The following PPARGC1A variants were observed in gnomAD, a reference collection of about 807,000 sequenced individuals.
PPARGC1A encodes the protein peroxisome proliferator-activated receptor gamma coactivator 1-alpha.
A neutral mutation model predicts 88.7 loss-of-function variants in PPARGC1A; 25 were observed. The ratio of observed to expected loss-of-function variants is 0.28; its 90% CI spans 0.21 to 0.39. PPARGC1A has a LOEUF of 0.39. Among genes scored for constraint, PPARGC1A ranks in the 10% least tolerant of loss-of-function variants. PPARGC1A has a pLI of 1.00. For missense variants in PPARGC1A, 880 were observed against 968.7 expected, an observed-to-expected ratio of 0.91 and a Z score of 1.22; for synonymous variants, 363 against 355.6, an observed-to-expected ratio of 1.02 and a Z score of -0.24.
At chr4:24,005,346 C>T in the PPARGC1A span, among the ~76,000 whole-genome samples, 1 of 152,034 alleles carries the variant, frequency 6.6e-6, no homozygotes, top group African/African-American at 2.4e-5. Flanking sequence ...ATCTATTGTC[C>T]CGGGCATGGT....
the PPARGC1A span, among the ~76,000 whole-genome samples, chr4:24,387,818 A>AAGAAAGAAAGAAAGAAAGAGAAAGAG: frequency 3.6e-4 from 29 of 81,080 alleles, no homozygotes; most frequent in African/African-American, 1.2e-3. Flanking sequence ...GAAAGAAAGA[A>AAGAAAGAAAGAAAGAAAGAGAAAGAG]AGAAAGAGAG....
chr4:23,831,832 T>A, intron 2 of PPARGC1A, 81 bp from the exon 3 acceptor site: 1 of 1,112,740 alleles, frequency 9.0e-7, no homozygotes, highest in Non-Finnish European at 1.3e-6. Context: ...TTTGACCAAA[T>A]GAGTGAACCA....
intron 1 of PPARGC1A, among the ~76,000 whole-genome samples, chr4:23,887,475 T>G (rs188244757): frequency 1.3e-4 from 20 of 152,332 alleles, no homozygotes; most frequent in Admixed American, 9.2e-4. Context: ...GTGTGCTTTA[T>G]TGCAATTACA....
the PPARGC1A span, among the ~76,000 whole-genome samples, chr4:24,441,957 G>T: frequency 6.6e-6 from 1 of 152,206 alleles, no homozygotes; most frequent in Non-Finnish European, 1.5e-5. Context: ...GCTAGGCCGA[G>T]TTGTGACATT....
chr4:24,268,649 T>C, the PPARGC1A span, among the ~76,000 whole-genome samples: 1 of 152,118 alleles, frequency 6.6e-6, no homozygotes, highest in African/African-American at 2.4e-5. Context: ...TTTGCATAAA[T>C]CCAAAAAAGT....
At chr4:23,875,609 C>G (rs1464671584) in intron 2 of PPARGC1A, among the ~76,000 whole-genome samples, 3 of 152,026 alleles carry the variant, frequency 2.0e-5, no homozygotes, top group African/African-American at 7.2e-5. Flanking sequence ...CAATTTGCAG[C>G]CTGTTTGTAA....
At chr4:24,143,324 T>G in the PPARGC1A span, among the ~76,000 whole-genome samples, 1 of 151,958 alleles carries the variant, frequency 6.6e-6, no homozygotes, top group East Asian at 1.9e-4. Flanking sequence ...GAGGGGGCAA[T>G]ATAAACTTCA....
the PPARGC1A span, among the ~76,000 whole-genome samples, chr4:24,452,848 T>C: frequency 1.3e-5 from 2 of 152,190 alleles, no homozygotes; most frequent in African/African-American, 2.4e-5. Flanking sequence ...TCTATTACTA[T>C]AATAATGATA....
At chr4:24,253,733 G>A in the PPARGC1A span, among the ~76,000 whole-genome samples, 40,521 of 126,074 alleles carry the variant, frequency 0.32, 5,818 homozygotes, top group East Asian at 0.48. Flanking sequence ...CACCTCACTT[G>A]CCTAGTGCCA....
chr4:24,365,069 C>T, the PPARGC1A span, among the ~76,000 whole-genome samples: 1 of 151,690 alleles, frequency 6.6e-6, no homozygotes, highest in Non-Finnish European at 1.5e-5. Flanking sequence ...GGATTTCAAC[C>T]AGATCTGTTT....
At chr4:24,286,860 G>A in the PPARGC1A span, among the ~76,000 whole-genome samples, 1 of 152,122 alleles carries the variant, frequency 6.6e-6, no homozygotes, top group African/African-American at 2.4e-5. Flanking sequence ...GAGGGCTACA[G>A]TCATCTCAAG....
chr4:24,212,865 C>T, the PPARGC1A span, among the ~76,000 whole-genome samples: 1 of 152,212 alleles, frequency 6.6e-6, no homozygotes, highest in Non-Finnish European at 1.5e-5. Context: ...TTCCTACTCT[C>T]TTAGCATAAA....
chr4:23,913,267 T>TATATATAGAG, the PPARGC1A span, among the ~76,000 whole-genome samples: 1 of 77,506 alleles, frequency 1.3e-5, no homozygotes, highest in African/African-American at 5.6e-5. Flanking sequence ...TATATATATA[T>TATATATAGAG]AGAGAGAGAG....
At chr4:23,990,268 T>A in the PPARGC1A span, among the ~76,000 whole-genome samples, 1 of 150,878 alleles carries the variant, frequency 6.6e-6, no homozygotes, top group African/African-American at 2.4e-5. Context: ...TTGTTGATAA[T>A]TTACAAGGTA....
chr4:23,864,852 C>T lies in PPARGC1A; in HGVS notation c.234+19900G>A, dbSNP rs144827641. On this transcript the variant is annotated intron_variant, in intron 2 of 12. Coordinates refer to ENST00000264867, the MANE Select transcript of PPARGC1A (RefSeq NM_013261.5). ...CACCAAAGACCTCATTGACAGCAGA[C>T]GGCAGTTGCAATTGCAACCAGCAGT... is the stretch of plus-strand genomic sequence containing the variant. Among the ~76,000 whole-genome samples the T allele has an allele frequency of 4.2e-4, 64 of 152,266 alleles. No individual in the cohort carries two copies. The East Asian group carries it at 0.011, about 25-fold the overall frequency.
the PPARGC1A span, among the ~76,000 whole-genome samples, chr4:24,277,357 T>TA: frequency 1.4e-4 from 22 of 152,250 alleles, no homozygotes; most frequent in East Asian, 3.9e-3. Context: ...TCTGGTGGCT[T>TA]ACTTTCTCCA....
At chr4:24,336,691 T>C in the PPARGC1A span, among the ~76,000 whole-genome samples, 1 of 152,204 alleles carries the variant, frequency 6.6e-6, no homozygotes, top group Non-Finnish European at 1.5e-5. Context: ...TGTGTGAACA[T>C]ACCAAAATAC....
At position 23,795,138 on chromosome 4, in the gene PPARGC1A, G is replaced by A. The variant is rs543244097; in HGVS notation, c.*684C>T. The A allele has an allele frequency of 4.6e-5, 7 of 151,270 alleles. No individual in the cohort carries two copies. The East Asian group carries it at 1.2e-3, about 25-fold the overall frequency. 9.4% of individuals were successfully genotyped at this position (151,270 alleles called of 1,614,324 possible). Reference sequence around the variant, plus strand: ...TTCAGGATTGTCATATAATCATTACGTTATGAGAGAAAGCTTGCTTCAAGT... The same window carrying A: ...TTCAGGATTGTCATATAATCATTACATTATGAGAGAAAGCTTGCTTCAAGT... On this transcript the variant is annotated 3_prime_UTR_variant, in exon 13 of 13. Coordinates refer to ENST00000264867, the MANE Select transcript of PPARGC1A (RefSeq NM_013261.5).
chr4:24,067,796 C>G, the PPARGC1A span, among the ~76,000 whole-genome samples: 18 of 152,322 alleles, frequency 1.2e-4, no homozygotes, highest in African/African-American at 4.3e-4. Flanking sequence ...TCGAGCACTT[C>G]ACTTCTGCTG....
Sources: gnomAD v4.1 joint callset for allele counts (sites outside exome capture counted in the v4.1 genomes callset) on GRCh38, gnomAD v4.1.1 for gene constraint, MANE v1.5 for transcripts, NCBI Gene and HGNC (gene_info 2026-07-23, HGNC 2026-07-21) for gene names.